KIF16B: variants seen among roughly 807,000 people sequenced by gnomAD.
The protein encoded by KIF16B is kinesin-like protein KIF16B.
KIF16B carries 98 observed loss-of-function variants against 156.3 expected under a neutral mutation model. The ratio of observed to expected loss-of-function variants is 0.63; its 90% CI spans 0.53 to 0.74. KIF16B has a LOEUF of 0.74. Among genes scored for constraint, KIF16B ranks in the 30% least tolerant of loss-of-function variants. The pLI, the probability that KIF16B is intolerant of heterozygous loss-of-function variation, is 0.00. For synonymous variants in KIF16B, 564 were observed against 583.7 expected (o/e 0.97, Z 0.49); for missense variants, 1,421 against 1,606.5 (o/e 0.88, Z 1.97).
At chr20:16,303,422 A>C (rs554736445) in intron 25 of KIF16B, among the ~76,000 whole-genome samples, 2 of 152,332 alleles carry the variant, frequency 1.3e-5, no homozygotes, top group South Asian at 4.1e-4. Flanking sequence ...CCTGAAAACT[A>C]GTTGTTCTTA....
Position 16,379,069 on chromosome 20 carries a change from T to A in KIF16B, c.2933A>T (p.Asn978Ile). 1 of 1,612,056 alleles carries A rather than the reference T, an allele frequency of 6.2e-7. No homozygotes were observed. Among genetic ancestry groups the A allele is most frequent in the Non-Finnish European group, 8.5e-7 (1 of 1,178,664 alleles). The change falls in exon 19 of 26, where the codon AAC (asparagine) becomes ATC (isoleucine). Residue 978 changes from asparagine to isoleucine, a missense_variant. Physicochemically the swap from Asn to Ile is moderately radical, Grantham distance 149. Transcript: ENST00000354981. ...KLQATFEFTA[N>I]IARQEEKVRK... ...CACTTTTTCCTCCTGACGTGCAATG[T>A]TGGCAGTGAATTCAAAGGTGGCTTG...
intron 25 of KIF16B, among the ~76,000 whole-genome samples, chr20:16,298,454 G>A (rs567949917): frequency 2.6e-5 from 4 of 152,326 alleles, no homozygotes; most frequent in African/African-American, 9.6e-5. Context: ...AAGGATGTAT[G>A]TGTCCAGGAA....
intron 10 of KIF16B, among the ~76,000 whole-genome samples, chr20:16,498,062 A>G (rs975402583): frequency 2.6e-5 from 4 of 152,140 alleles, no homozygotes; most frequent in Non-Finnish European, 5.9e-5. Flanking sequence ...CAGGCTTCTG[A>G]GATTTGCTCT....
At chr20:16,538,002 C>A (rs886325119) in intron 1 of KIF16B, among the ~76,000 whole-genome samples, 1 of 152,154 alleles carries the variant, frequency 6.6e-6, no homozygotes. Flanking sequence ...CCATGCCCAG[C>A]CCTACCCACA....
At chr20:16,401,602 A>G (rs35732002) in intron 17 of KIF16B, among the ~76,000 whole-genome samples, 5,043 of 152,318 alleles carry the variant, frequency 0.033, 82 homozygotes, top group African/African-American at 0.038. Context: ...AAAGAATAAC[A>G]CAAGGCCCCT....
intron 1 of KIF16B, among the ~76,000 whole-genome samples, chr20:16,529,769 C>T (rs1157107789): frequency 6.6e-6 from 1 of 152,106 alleles, no homozygotes; most frequent in East Asian, 1.9e-4. Flanking sequence ...CTGATCAACA[C>T]GGAGAAACCC....
At chr20:16,351,112 G>A (rs2064330836) in intron 23 of KIF16B, among the ~76,000 whole-genome samples, 1 of 152,088 alleles carries the variant, frequency 6.6e-6, no homozygotes, top group East Asian at 1.9e-4. Flanking sequence ...AAAAAGATGA[G>A]ACAACAAACT....
chr20:16,339,114 T>G (rs1193232675), intron 23 of KIF16B, among the ~76,000 whole-genome samples: 2 of 152,152 alleles, frequency 1.3e-5, no homozygotes, highest in Non-Finnish European at 2.9e-5. Flanking sequence ...GCTGTGTTGG[T>G]GCAGGAGAGG....
chr20:16,322,129 G>A (rs2063780104), intron 24 of KIF16B, among the ~76,000 whole-genome samples: 1 of 151,888 alleles, frequency 6.6e-6, no homozygotes. Flanking sequence ...AGCTTGTTTT[G>A]CAATTCGGTG....
intron 24 of KIF16B, among the ~76,000 whole-genome samples, chr20:16,321,056 A>G (rs374338611): frequency 1.1e-4 from 17 of 152,120 alleles, no homozygotes; most frequent in African/African-American, 4.1e-4. Context: ...AATAAACACA[A>G]TGTCGTAAAG....
intron 12 of KIF16B, 84 bp from the exon 13 acceptor site, chr20:16,430,066 G>C: frequency 7.5e-7 from 1 of 1,338,806 alleles, no homozygotes; most frequent in Non-Finnish European, 1.0e-6. Context: ...TTGTCAGAAT[G>C]GGCAATATTT....
rs1047565196 is a variant in KIF16B, at chr20:16,312,473, GC to G, written c.3712-56del. 6.4e-6 allele frequency: 8 copies of G among 1,251,272 alleles called. No homozygotes were observed. In the African/African-American group the frequency reaches 1.2e-4, roughly 19 times the overall value. The allele number at this position is 1,251,272 out of a possible 1,614,324, so 77.5% of individuals were successfully genotyped here. On this transcript the variant is annotated intron_variant, in intron 24 of 25. Coordinates refer to ENST00000354981, the MANE Select transcript of KIF16B (RefSeq NM_024704.5). ...TAATAGCATACCTGTTAATTGTTGG[GC>G]TATTATTAATCTATTATTTGAAATC...
intron 12 of KIF16B, among the ~76,000 whole-genome samples, chr20:16,477,557 A>G (rs551260789): frequency 2.0e-4 from 31 of 152,322 alleles, no homozygotes; most frequent in African/African-American, 6.0e-4. Context: ...GTCTCTTAAT[A>G]AAGACGTTCA....
intron 12 of KIF16B, among the ~76,000 whole-genome samples, chr20:16,442,348 G>GTGTGTGTGTGTA (rs753220723): frequency 4.4e-4 from 66 of 149,658 alleles, no homozygotes; most frequent in Admixed American, 2.7e-3. Flanking sequence ...GTGTGTGTGT[G>GTGTGTGTGTGTA]TATATATATA....
Position 16,404,798 on chromosome 20 carries a change from C to T in KIF16B, c.1784+15G>A, listed in dbSNP as rs559509286. The T allele has an allele frequency of 4.4e-6, 7 of 1,577,528 alleles. No homozygotes were observed. In the Admixed American group the frequency reaches 8.3e-5, roughly 19 times the overall value. ...AGTGATCATCACAGGGAAGGAGATG[C>T]TGCTGTTCACTCACCCGGGGTTATA... On this transcript the variant is annotated intron_variant, in intron 17 of 25. Coordinates refer to ENST00000354981, the MANE Select transcript of KIF16B (RefSeq NM_024704.5).
At chr20:16,523,005 A>C (rs893959359) in intron 3 of KIF16B, among the ~76,000 whole-genome samples, 2 of 152,228 alleles carry the variant, frequency 1.3e-5, no homozygotes, top group African/African-American at 2.4e-5. Context: ...AAAAACTCTC[A>C]ATAAACTAGG....
At chr20:16,404,698 T>C (rs1230240871) in intron 17 of KIF16B, 115 bp downstream of exon 17, 4 of 720,626 alleles carry the variant, frequency 5.6e-6, no homozygotes, top group Non-Finnish European at 9.6e-6. Flanking sequence ...GGTGGCTGAT[T>C]TGATAAGGAG....
intron 3 of KIF16B, among the ~76,000 whole-genome samples, chr20:16,525,451 T>C (rs1222452378): frequency 1.3e-5 from 2 of 152,100 alleles, no homozygotes; most frequent in Non-Finnish European, 2.9e-5. Context: ...AATATACTTG[T>C]CCCTCTGCTC....
intron 9 of KIF16B, 102 bp downstream of exon 9, chr20:16,505,620 T>C: frequency 9.8e-7 from 1 of 1,018,882 alleles, no homozygotes; most frequent in Non-Finnish European, 1.4e-6. Context: ...TTTTTTAAGA[T>C]GTAAAAGGTG....
Sources: gnomAD v4.1 joint callset for allele counts (sites outside exome capture counted in the v4.1 genomes callset) on GRCh38, gnomAD v4.1.1 for gene constraint, MANE v1.5 for transcripts, NCBI Gene and HGNC (gene_info 2026-07-23, HGNC 2026-07-21) for gene names.